Variants in PIWIL1 observed in about 807,000 individuals in gnomAD.
PIWIL1 encodes piwi-like protein 1.
In PIWIL1, 73 loss-of-function variants were observed where a neutral mutation model predicts 114.4. That is an observed-to-expected ratio of 0.64 (90% CI 0.53 to 0.78). PIWIL1 has a LOEUF of 0.78. Among genes scored for constraint, PIWIL1 ranks in the 30% least tolerant of loss-of-function variants. The pLI is 0.00. For missense variants in PIWIL1, 723 were observed against 1,063.1 expected, an observed-to-expected ratio of 0.68 and a Z score of 4.45; for synonymous variants, 375 against 369.0, an observed-to-expected ratio of 1.02 and a Z score of -0.19.
At chr12:130,397,368 A>G in the PIWIL1 span, 1 of 399,052 alleles carries the variant, frequency 2.5e-6, no homozygotes, top group Non-Finnish European at 4.4e-6. Context: ...GAATCATTTC[A>G]CTGCACCCAG....
chr12:130,422,329 T>G, the PIWIL1 span: 1 of 582,212 alleles, frequency 1.7e-6, no homozygotes, highest in Admixed American at 3.0e-5. The surrounding 1 kb of genome is among the most constrained non-coding windows in gnomAD (Gnocchi z 5.2). Context: ...CTTTTTGCCA[T>G]GAATAACAGT....
chr12:130,355,445 C>T (rs972708791), intron 11 of PIWIL1, 108 bp from the exon 12 acceptor site: 4 of 837,738 alleles, frequency 4.8e-6, no homozygotes. Context: ...CGCCTTCACC[C>T]TGACGGCGAC....
In PIWIL1 at chr12:130,361,610, G is replaced by A; in HGVS notation, c.1970+9G>A. 1 of 1,609,066 alleles carries A rather than the reference G, an allele frequency of 6.2e-7. No individual in the cohort carries two copies. Among genetic ancestry groups the A allele is most frequent in the Non-Finnish European group, 8.5e-7 (1 of 1,175,398 alleles). ...AATGAAGGGATGACCCGGTGAGTGA[G>A]ACTGGGCTACTGTGGGTGGCAGTGA... On this transcript the variant is annotated intron_variant, in intron 16 of 20. Coordinates refer to ENST00000245255, the MANE Select transcript of PIWIL1 (RefSeq NM_004764.5).
At chr12:130,368,478 A>T (rs370066480) in intron 19 of PIWIL1, among the ~76,000 whole-genome samples, 1 of 152,150 alleles carries the variant, frequency 6.6e-6, no homozygotes, top group East Asian at 1.9e-4. Flanking sequence ...GAAATACATT[A>T]TCTTGGATTT....
At chr12:130,424,052 G>A in the PIWIL1 span, 2 of 668,014 alleles carry the variant, frequency 3.0e-6, no homozygotes, top group Non-Finnish European at 4.2e-6. The surrounding 1 kb of genome is among the most constrained non-coding windows in gnomAD (Gnocchi z 9.8). Flanking sequence ...AGTCCCCAGG[G>A]ATGGACACCA....
In PIWIL1 at chr12:130,348,150, A is replaced by T; in HGVS notation, c.701A>T (p.Asn234Ile). Residue 234 changes from asparagine to isoleucine, a missense_variant, in exon 7 of 21, where the codon AAC becomes ATC. By Grantham distance (149) the Asn-to-Ile change is moderately radical (BLOSUM62 -3). Transcript: ENST00000245255. ...NLQQIGRNYY[N>I]PNDPIDIPSH... ...CAACAAATTGGACGAAATTATTATA[A>T]CCCAAATGACCCAATTGATATTCCA... 3 of 1,606,746 alleles carry T rather than the reference A, an allele frequency of 1.9e-6. No individual in the cohort carries two copies. Among genetic ancestry groups the T allele is most frequent in the Non-Finnish European group, 2.6e-6 (3 of 1,173,848 alleles).
the PIWIL1 span, among the ~76,000 whole-genome samples, chr12:130,402,072 C>T: frequency 6.6e-6 from 1 of 152,182 alleles, no homozygotes; most frequent in Non-Finnish European, 1.5e-5. Flanking sequence ...CACACACAGC[C>T]CTAGTAAAAT....
the PIWIL1 span, chr12:130,383,926 A>G: frequency 1.2e-4 from 18 of 152,364 alleles, no homozygotes; most frequent in East Asian, 3.3e-3. Context: ...TTGTGTTTAC[A>G]GAAACTTGAT....
chr12:130,360,245 G>T (rs2073471355), intron 14 of PIWIL1, among the ~76,000 whole-genome samples: 1 of 152,134 alleles, frequency 6.6e-6, no homozygotes, highest in Admixed American at 6.5e-5. Flanking sequence ...TCTGGGTAAT[G>T]GAAACACCCA....
At chr12:130,406,606 C>G in the PIWIL1 span, among the ~76,000 whole-genome samples, 5 of 152,188 alleles carry the variant, frequency 3.3e-5, no homozygotes, top group Non-Finnish European at 7.3e-5. Flanking sequence ...ACGTAAATAT[C>G]CTTTCACTGA....
At chr12:130,367,024 C>T in intron 18 of PIWIL1, 109 bp from the exon 19 acceptor site, 1 of 1,268,078 alleles carries the variant, frequency 7.9e-7, no homozygotes. Context: ...GATGATACGC[C>T]CCAGGAGGGA....
At chr12:130,422,595 C>A in the PIWIL1 span, 4 of 1,467,782 alleles carry the variant, frequency 2.7e-6, no homozygotes, top group Admixed American at 5.8e-5. The surrounding 1 kb of genome is among the most constrained non-coding windows in gnomAD (Gnocchi z 5.2). Flanking sequence ...TCGTAAGTCT[C>A]GCCAGCATTG....
rs1300110927 is a variant in PIWIL1, at chr12:130,372,297, TATAAA to T, written c.*707_*711del. The T allele has an allele frequency of 6.6e-6, 1 of 152,226 alleles. No homozygotes were observed. The highest frequency in any genetic ancestry group is 1.5e-5 in the Non-Finnish European group (1 of 68,038). 9.4% of individuals were successfully genotyped at this position (152,226 alleles called of 1,614,324 possible). On this transcript the variant is annotated 3_prime_UTR_variant, in exon 21 of 21. Transcript: ENST00000245255. Reference sequence around the variant, plus strand: ...GGAACTGGGACATGATTCTATTTGTTATAAAATAAAATTGATGTGATTGTCACCTT... The same window carrying T: ...GGAACTGGGACATGATTCTATTTGTTATAAAATTGATGTGATTGTCACCTT...
the PIWIL1 span, chr12:130,406,049 A>G: frequency 1.5e-6 from 1 of 653,760 alleles, no homozygotes; most frequent in East Asian, 2.7e-5. Context: ...AAGCAAAGCT[A>G]TCAGCAGGCG....
In PIWIL1 at chr12:130,342,604, G is replaced by A; in HGVS notation, c.13G>A (p.Ala5Thr). 6.2e-7 allele frequency: 1 copy of A among 1,613,402 alleles called. No homozygotes were observed. The highest frequency in any genetic ancestry group is 8.5e-7 in the Non-Finnish European group (1 of 1,179,402). Reference sequence around the variant, plus strand: ...GAAATAGAAAACAATGACTGGGAGAGCCCGAGCCAGAGCCAGAGGAAGGGC... The same window carrying A: ...GAAATAGAAAACAATGACTGGGAGAACCCGAGCCAGAGCCAGAGGAAGGGC... MTGR[A>T]RARARGRARG... Residue 5 changes from alanine (A) to threonine (T), a missense_variant, in exon 2 of 21, where the codon GCC (alanine) becomes ACC (threonine). By Grantham distance (58) the Ala-to-Thr change is moderately conservative. Transcript: ENST00000245255.
the PIWIL1 span, among the ~76,000 whole-genome samples, chr12:130,400,419 C>T: frequency 2.6e-5 from 4 of 152,184 alleles, no homozygotes; most frequent in Non-Finnish European, 5.9e-5. Context: ...CCTTCCAGAT[C>T]TTTCTACTCA....
rs994273520 is a variant in PIWIL1, at chr12:130,371,475, A to G, written c.2470-7A>G. The G allele has an allele frequency of 1.2e-6, 2 of 1,612,882 alleles. No individual in the cohort carries two copies. Among genetic ancestry groups the G allele is most frequent in the African/African-American group, 1.3e-5 (1 of 74,822 alleles). ...AGTAATAGAACCTTTTTTTCCTTCC[A>G]CTAAAGGGTGTCATTCGTGTTCCTG... is the stretch of plus-strand genomic sequence containing the variant. On this transcript the variant is annotated splice_polypyrimidine_tract_variant and splice_region_variant and intron_variant, in intron 20 of 20. Coordinates refer to ENST00000245255, the MANE Select transcript of PIWIL1 (RefSeq NM_004764.5).
the PIWIL1 span, chr12:130,396,511 G>A: frequency 1.1e-4 from 17 of 152,650 alleles, no homozygotes; most frequent in African/African-American, 3.6e-4. Context: ...TTTAAATTGA[G>A]TCTGGTTTTG....
At chr12:130,396,110 T>C in the PIWIL1 span, 42 of 152,710 alleles carry the variant, frequency 2.8e-4, no homozygotes, top group African/African-American at 9.4e-4. Flanking sequence ...ATAAAATATT[T>C]AAAACAAAGA....
Sources: gnomAD v4.1 joint callset for allele counts (sites outside exome capture counted in the v4.1 genomes callset) on GRCh38, gnomAD v4.1.1 for gene constraint, Gnocchi (gnomAD v3.1) non-coding constraint, MANE v1.5 for transcripts, NCBI Gene and HGNC (gene_info 2026-07-23, HGNC 2026-07-21) for gene names.